Variants in FGD4 observed in about 807,000 individuals in gnomAD.
FGD4 encodes FYVE, RhoGEF and PH domain containing 4, also known as FYVE, RhoGEF and PH domain-containing protein 4.
FGD4 carries 42 observed loss-of-function variants against 102.0 expected under a neutral mutation model. The ratio of observed to expected loss-of-function variants is 0.41; its 90% CI spans 0.32 to 0.53. The LOEUF (loss-of-function observed/expected upper bound fraction) is 0.53, where lower values mean the gene tolerates loss of function less well. FGD4 is among the 20% of genes least tolerant of loss of function. The pLI is 0.21. For synonymous variants in FGD4, 380 were observed against 375.7 expected (o/e 1.01, Z -0.13); for missense variants, 902 against 1,078.2 (o/e 0.84, Z 2.29).
At chr12:32,590,310 A>G (rs1218867948) in intron 4 of FGD4, among the ~76,000 whole-genome samples, 1 of 117,470 alleles carries the variant, frequency 8.5e-6, no homozygotes, top group Non-Finnish European at 1.7e-5. Flanking sequence ...GACTTCATCT[A>G]AAAAAAAAAA....
intron 1 of FGD4, among the ~76,000 whole-genome samples, chr12:32,547,809 C>T (rs539691916): frequency 5.6e-4 from 86 of 152,234 alleles, no homozygotes; most frequent in Admixed American, 4.4e-3. Flanking sequence ...CGGGTTCAAG[C>T]GATTCTCCTG....
chr12:32,565,415 C>T (rs1166310385), intron 2 of FGD4, among the ~76,000 whole-genome samples: 3 of 152,160 alleles, frequency 2.0e-5, no homozygotes, highest in South Asian at 2.1e-4. Flanking sequence ...ATAGCATTGA[C>T]GTGAATATAA....
Position 32,624,818 on chromosome 12 carries a change from G to A in FGD4, c.1954-158G>A, listed in dbSNP as rs919939224. The A allele has an allele frequency of 7.2e-6, 5 of 694,346 alleles. No homozygotes were observed. In the African/African-American group the frequency reaches 8.9e-5, roughly 12 times the overall value. 43.0% of individuals were successfully genotyped at this position (694,346 alleles called of 1,614,324 possible). On this transcript the variant is annotated intron_variant, in intron 12 of 16. Coordinates refer to ENST00000534526, the MANE Select transcript of FGD4 (RefSeq NM_001370298.3). ...TAGTAACATCTCTGTGTATACAAAT[G>A]TGCATATATTGTTGTGTGTGTTTTA...
chr12:32,629,227 A>G (rs149574881), intron 14 of FGD4, among the ~76,000 whole-genome samples: 247 of 152,316 alleles, frequency 1.6e-3, no homozygotes, highest in African/African-American at 5.6e-3. Context: ...AGAGTTGAGG[A>G]AGACAGGGAG....
At chr12:32,488,218 C>A (rs956440102) in intron 1 of FGD4, among the ~76,000 whole-genome samples, 2 of 150,202 alleles carry the variant, frequency 1.3e-5, no homozygotes, top group East Asian at 3.9e-4. Flanking sequence ...TGTTTTTTAA[C>A]ATTGTGACAT....
chr12:32,501,940 T>C (rs1938247301), intron 1 of FGD4: 9 of 703,434 alleles, frequency 1.3e-5, no homozygotes, highest in Non-Finnish European at 1.6e-5. Flanking sequence ...GGAAAGCTTT[T>C]AGTTGGGCTG....
chr12:32,582,839 TTTG>T (rs1946723196), intron 4 of FGD4: 2 of 216,864 alleles, frequency 9.2e-6, no homozygotes, highest in South Asian at 8.2e-5. Flanking sequence ...TTGTATAATC[TTTG>T]TTGTTCAGAA....
At chr12:32,460,952 A>G (rs1200821437) in intron 1 of FGD4, among the ~76,000 whole-genome samples, 1 of 152,236 alleles carries the variant, frequency 6.6e-6, no homozygotes. Context: ...GCATTTGAAA[A>G]TGCCATTAGC....
rs1943851446 is a variant in FGD4 at position 32,484,904 on chromosome 12, A to G, written c.167-79233A>G. On this transcript the variant is annotated intron_variant, in intron 1 of 16. Transcript: ENST00000534526. ...AAACAAAATAAAAATAAAAAATCCC[A>G]TCTTATTTTTTAAGAAATGGCGCCT... Among the ~76,000 whole-genome samples the G allele has an allele frequency of 2.6e-5, 4 of 152,016 alleles. No homozygotes were observed. The South Asian group carries it at 8.3e-4, about 31-fold the overall frequency.
chr12:32,474,365 T>C (rs1357683784), intron 1 of FGD4, among the ~76,000 whole-genome samples: 3 of 152,162 alleles, frequency 2.0e-5, no homozygotes, highest in Non-Finnish European at 2.9e-5. Context: ...AGCTGATGAA[T>C]AGGTAAATAA....
intron 1 of FGD4, chr12:32,534,574 G>C: frequency 1.1e-6 from 1 of 884,936 alleles, no homozygotes; most frequent in Admixed American, 3.5e-5. Context: ...TGCATGCCGA[G>C]GGATGTAAAA....
intron 1 of FGD4, among the ~76,000 whole-genome samples, chr12:32,400,992 A>G (rs1940639099): frequency 1.3e-5 from 2 of 152,224 alleles, no homozygotes; most frequent in Non-Finnish European, 2.9e-5. Flanking sequence ...TTGTGAGGTG[A>G]GAAAATATGT....
intron 1 of FGD4, among the ~76,000 whole-genome samples, chr12:32,528,574 A>G (rs1592121603): frequency 6.6e-6 from 1 of 152,118 alleles, no homozygotes; most frequent in East Asian, 1.9e-4. Context: ...TATTTTTAGT[A>G]GAGATGAGGT....
chr12:32,624,829 G>A, intron 12 of FGD4, 147 bp from the exon 13 acceptor site: 1 of 722,978 alleles, frequency 1.4e-6, no homozygotes, highest in Non-Finnish European at 2.4e-6. Context: ...TGCATATATT[G>A]TTGTGTGTGT....
rs776556112 is a variant in FGD4, at chr12:32,600,584, C to CTTTTTTTTT, written c.1102-691_1102-690insTTTTTTTTT. 1.4e-3 allele frequency: 365 copies of CTTTTTTTTT among 269,432 alleles called. 16 individuals are homozygous for CTTTTTTTTT. The highest frequency in any genetic ancestry group is 0.01 in the African/African-American group (257 of 24,962). 16.7% of individuals were successfully genotyped at this position (269,432 alleles called of 1,614,324 possible). On this transcript the variant is annotated intron_variant, in intron 5 of 16. Coordinates refer to ENST00000534526, the MANE Select transcript of FGD4 (RefSeq NM_001370298.3). The stretch of plus-strand genomic sequence containing the variant: ...GTTTTTTGTTTTTCTTTCTTTCTTT[C>CTTTTTTTTT]TTTCTTTCTTTTTTTTTTTTTTGTC...
chr12:32,559,234 T>G (rs1228137876), intron 1 of FGD4, among the ~76,000 whole-genome samples: 1 of 152,200 alleles, frequency 6.6e-6, no homozygotes, highest in African/African-American at 2.4e-5. Flanking sequence ...GTTTCAGTTT[T>G]TGTTGCTATT....
At chr12:32,574,066 G>A (rs1237854590) in intron 2 of FGD4, among the ~76,000 whole-genome samples, 1 of 152,124 alleles carries the variant, frequency 6.6e-6, no homozygotes, top group Non-Finnish European at 1.5e-5. Context: ...AAGCAATTTG[G>A]AGAAAGCACA....
chr12:32,532,559 C>T (rs1486792008), intron 1 of FGD4, among the ~76,000 whole-genome samples: 1 of 151,814 alleles, frequency 6.6e-6, no homozygotes, highest in Non-Finnish European at 1.5e-5. Context: ...GGGCAGAGAG[C>T]ACATGTTAGC....
chr12:32,611,739 T>C (rs1949149697), intron 10 of FGD4, among the ~76,000 whole-genome samples: 1 of 152,256 alleles, frequency 6.6e-6, no homozygotes, highest in South Asian at 2.1e-4. Flanking sequence ...TAGGGAAATA[T>C]TCTAAGTAAC....
Sources: allele counts gnomAD v4.1 joint callset (sites outside exome capture counted in the v4.1 genomes callset), GRCh38; gene constraint gnomAD v4.1.1; transcripts MANE v1.5; gene names NCBI Gene and HGNC (gene_info 2026-07-23, HGNC 2026-07-21).